STAT5A: variants seen among roughly 807,000 people sequenced by gnomAD.
The protein encoded by STAT5A is signal transducer and activator of transcription 5A, also known as epididymis secretory sperm binding protein.
A neutral mutation model predicts 100.2 loss-of-function variants in STAT5A; 26 were observed. The ratio of observed to expected loss-of-function variants is 0.26; its 90% CI spans 0.19 to 0.36. The LOEUF (loss-of-function observed/expected upper bound fraction) is 0.36, where lower values mean the gene tolerates loss of function less well. Ranked by LOEUF, STAT5A falls within the 10% of genes least tolerant of loss-of-function variation. The pLI, the probability that STAT5A is intolerant of heterozygous loss-of-function variation, is 1.00. For synonymous variants in STAT5A, 330 were observed against 424.3 expected (o/e 0.78, Z 2.73); for missense variants, 634 against 1,027.5 (o/e 0.62, Z 5.24).
At position 42,308,835 on chromosome 17, in the gene STAT5A, G is replaced by A; in HGVS notation, c.2063-212G>A. On this transcript the variant is annotated intron_variant, in intron 16 of 18. Coordinates refer to ENST00000590949, the MANE Select transcript of STAT5A (RefSeq NM_001288718.2). This position sits in a 1 kb window ranked among gnomAD's most constrained non-coding sequence, Gnocchi z 4.6. ...GAGGGAAATCAGATGGCCAGAAAAAGAACCAGAAGGAATGGGATTCAAGCC... is the reference window on the plus strand; with the variant it reads ...GAGGGAAATCAGATGGCCAGAAAAAAAACCAGAAGGAATGGGATTCAAGCC... 1.6e-6 allele frequency: 1 copy of A among 618,826 alleles called. No homozygotes were observed. Among genetic ancestry groups the A allele is most frequent in the East Asian group, 2.8e-5 (1 of 35,396 alleles). 38.3% of individuals were successfully genotyped at this position (618,826 alleles called of 1,614,324 possible). A position where few individuals can be genotyped will look rare whatever the true frequency, so the allele number is the denominator to read the frequency against.
intron 4 of STAT5A, among the ~76,000 whole-genome samples, chr17:42,293,132 C>G (rs946990291): frequency 1.6e-4 from 24 of 152,362 alleles, no homozygotes; most frequent in African/African-American, 5.8e-4. Flanking sequence ...AATTTCACAA[C>G]ATGACGTGAC....
chr17:42,300,833 G>A lies in STAT5A; in HGVS notation c.952G>A (p.Ala318Thr), dbSNP rs761738519. 20 of 1,612,128 alleles carry A rather than the reference G, an allele frequency of 1.2e-5. No individual in the cohort carries two copies. Among genetic ancestry groups the A allele is most frequent in the Admixed American group, 3.3e-5 (2 of 59,894 alleles). ...PVEEMLAEVN[A>T]TITDIISALV... ...GGAGGAGATGCTGGCCGAGGTCAAC[G>A]CCACCATCACGGACATTATCTCAGC... Residue 318 changes from alanine to threonine, a missense_variant, in exon 8 of 19, where the codon GCC (alanine) becomes ACC (threonine). This residue lies in a region of STAT5A where 98 missense variants were observed against 149.7 expected (regional missense o/e 0.65). Transcript: ENST00000590949.
chr17:42,291,854 G>A (rs1386303408), intron 3 of STAT5A, 118 bp from the exon 4 acceptor site: 1 of 1,014,560 alleles, frequency 9.9e-7, no homozygotes, highest in Non-Finnish European at 1.5e-6. Context: ...GATAGTTCCT[G>A]AGGCTCCCTG....
chr17:42,292,213 A>C (rs1255890237), intron 4 of STAT5A, 152 bp downstream of exon 4: 1 of 955,198 alleles, frequency 1.0e-6, no homozygotes, highest in Non-Finnish European at 1.6e-6. Flanking sequence ...GCAGCATTGC[A>C]CGCCGGGGTG....
rs1286667303 is a variant in STAT5A at position 42,311,049 on chromosome 17, G to A, written c.*380G>A. Reference sequence around the variant, plus strand: ...GAGGGGAGACAGGTAACGTCTGTAAGCTGAAGTTTCACTCCGGAGTGAGAA... The same window carrying A: ...GAGGGGAGACAGGTAACGTCTGTAAACTGAAGTTTCACTCCGGAGTGAGAA... On this transcript the variant is annotated 3_prime_UTR_variant, in exon 19 of 19. Coordinates refer to ENST00000590949, the MANE Select transcript of STAT5A (RefSeq NM_001288718.2). 2 of 247,908 alleles carry A rather than the reference G, an allele frequency of 8.1e-6. No individual in the cohort carries two copies. The highest frequency in any genetic ancestry group is 1.6e-5 in the Non-Finnish European group (2 of 122,760). 15.4% of individuals were successfully genotyped at this position (247,908 alleles called of 1,614,324 possible).
chr17:42,308,499 AAATGAGGAGAGG>A lies in STAT5A; in HGVS notation c.2062+167_2062+178del, dbSNP rs1385284322. ...TGGTGGAGAGGATTTCAGGGCTCAC[AAATGAGGAGAGG>A]GAACGAGAAACCCGTCCCAGCTCTC... On this transcript the variant is annotated intron_variant, in intron 16 of 18. Transcript: ENST00000590949. This position sits in a 1 kb window ranked among gnomAD's most constrained non-coding sequence, Gnocchi z 4.6. 4 of 871,138 alleles carry A rather than the reference AAATGAGGAGAGG, an allele frequency of 4.6e-6. No individual in the cohort carries two copies. The allele number at this position is 871,138 out of a possible 1,614,324, so 54.0% of individuals were successfully genotyped here.
chr17:42,296,643 T>G (rs963795980), intron 5 of STAT5A, among the ~76,000 whole-genome samples: 5 of 152,186 alleles, frequency 3.3e-5, no homozygotes, highest in African/African-American at 1.2e-4. Context: ...TCTTTCTTTT[T>G]CTTTTCTTTT....
In STAT5A at chr17:42,310,519, A is replaced by C. The variant is rs1275530222; in HGVS notation, c.2235A>C (p.Val745=). Reference sequence around the variant, plus strand: ...CTGTCTTTACCAGCCCTGACCATGTACTCGATCAGGATGGAGAATTCGACC... The same window carrying C: ...CTGTCTTTACCAGCCCTGACCATGTCCTCGATCAGGATGGAGAATTCGACC... ...YNMYPQNPDH[V]LDQDGEFDLD... is the part of the protein sequence containing the mutation. The change falls in exon 19 of 19, where the codon GTA becomes GTC. Residue 745 remains valine, a synonymous_variant. Coordinates refer to ENST00000590949, the MANE Select transcript of STAT5A (RefSeq NM_001288718.2). The C allele has an allele frequency of 6.2e-7, 1 of 1,614,088 alleles. No homozygotes were observed. The highest frequency in any genetic ancestry group is 2.2e-5 in the East Asian group (1 of 44,872).
chr17:42,292,074 T>C lies in STAT5A; in HGVS notation c.375+13T>C, dbSNP rs747607448. 6.2e-7 allele frequency: 1 copy of C among 1,613,394 alleles called. No homozygotes were observed. The highest frequency in any genetic ancestry group is 8.5e-7 in the Non-Finnish European group (1 of 1,179,534). On this transcript the variant is annotated intron_variant, in intron 4 of 18. Coordinates refer to ENST00000590949, the MANE Select transcript of STAT5A (RefSeq NM_001288718.2). ...AGAAGCCAACAATGTGAGTGTCCCTTGGGGATGGGGAGGAGTGTTGAGAAG... is the reference window on the plus strand; with the variant it reads ...AGAAGCCAACAATGTGAGTGTCCCTCGGGGATGGGGAGGAGTGTTGAGAAG...
intron 5 of STAT5A, among the ~76,000 whole-genome samples, chr17:42,298,585 CCT>C (rs1331870266): frequency 1.3e-5 from 2 of 151,920 alleles, no homozygotes; most frequent in Non-Finnish European, 2.9e-5. Context: ...CATTCTCCTG[CCT>C]CAGCCTCCCT....
chr17:42,305,562 C>A, intron 11 of STAT5A, 48 bp from the exon 12 acceptor site: 1 of 1,499,434 alleles, frequency 6.7e-7, no homozygotes, highest in Middle Eastern at 1.7e-4. Flanking sequence ...AAGCAGAGGG[C>A]ACGTGGTGGT....
chr17:42,309,499 CATGGGGTCCGCAGGGGA>C lies in STAT5A; in HGVS notation c.2222+17_2222+33del, dbSNP rs2081060028. The C allele has an allele frequency of 6.2e-7, 1 of 1,612,244 alleles. No homozygotes were observed. The highest frequency in any genetic ancestry group is 1.1e-5 in the South Asian group (1 of 90,974). ...TACCCACAGAAGTAGGTGGTGTTCT[CATGGGGTCCGCAGGGGA>C]AGAACTGGGGACTTGGCCCCAGGCT... On this transcript the variant is annotated intron_variant, in intron 18 of 18. Coordinates refer to ENST00000590949, the MANE Select transcript of STAT5A (RefSeq NM_001288718.2).
rs1410064630 is a variant in STAT5A, at chr17:42,311,673, T to C, written c.*1004T>C. 6.6e-6 allele frequency: 1 copy of C among 152,644 alleles called. No individual in the cohort carries two copies. The highest frequency in any genetic ancestry group is 1.5e-5 in the Non-Finnish European group (1 of 68,198). 9.5% of individuals were successfully genotyped at this position (152,644 alleles called of 1,614,324 possible). On this transcript the variant is annotated 3_prime_UTR_variant, in exon 19 of 19. Coordinates refer to ENST00000590949, the MANE Select transcript of STAT5A (RefSeq NM_001288718.2). The stretch of plus-strand genomic sequence containing the variant: ...GTGAGGGGTAAAAGCTGATCTGGTT[T>C]GACTCCGCTGGAGGTGGGGCCTGGA...
Position 42,304,717 on chromosome 17 carries a change from C to T in STAT5A, c.1380+65C>T, listed in dbSNP as rs1214256846. 13 of 1,599,346 alleles carry T rather than the reference C, an allele frequency of 8.1e-6. No individual in the cohort carries two copies. The highest frequency in any genetic ancestry group is 9.4e-6 in the Non-Finnish European group (11 of 1,172,244). ...ACCCAAGAGGTGGAGGGGCCTGCCT[C>T]AGGACTCCTGGCAGCAATGCCATCG... is the stretch of plus-strand genomic sequence containing the variant. On this transcript the variant is annotated intron_variant, in intron 11 of 18. Coordinates refer to ENST00000590949, the MANE Select transcript of STAT5A (RefSeq NM_001288718.2). This position sits in a 1 kb window ranked among gnomAD's most constrained non-coding sequence, Gnocchi z 4.8.
At chr17:42,289,364 C>A (rs369890675) in intron 1 of STAT5A, 38 bp from the exon 2 acceptor site, 7 of 1,565,604 alleles carry the variant, frequency 4.5e-6, no homozygotes, top group Non-Finnish European at 6.0e-6. Flanking sequence ...TCCTTGGCCT[C>A]TGCAGAGGAG....
At chr17:42,290,234 T>G (rs1284169007) in intron 3 of STAT5A, 1 of 615,448 alleles carries the variant, frequency 1.6e-6, no homozygotes, top group Non-Finnish European at 2.5e-6. Context: ...AGGTGTTTGT[T>G]GCCAACAGAG....
chr17:42,295,501 C>T, intron 4 of STAT5A, 118 bp from the exon 5 acceptor site: 3 of 1,075,682 alleles, frequency 2.8e-6, no homozygotes, highest in South Asian at 1.6e-5. Context: ...CCCTAGTTTC[C>T]CTTCTTACCC....
chr17:42,301,134 TC>T, intron 8 of STAT5A, 140 bp from the exon 9 acceptor site: 2 of 1,420,786 alleles, frequency 1.4e-6, no homozygotes, highest in Non-Finnish European at 9.6e-7. Context: ...TCTCACAGCT[TC>T]CCCGGGAACA....
chr17:42,310,456 T>G, intron 18 of STAT5A, 51 bp from the exon 19 acceptor site: 1 of 1,598,138 alleles, frequency 6.3e-7, no homozygotes, highest in Non-Finnish European at 8.6e-7. Flanking sequence ...CCAGGGAGCT[T>G]GAGGCTGTGA....
Sources: gnomAD v4.1 joint callset for allele counts (sites outside exome capture counted in the v4.1 genomes callset) on GRCh38, gnomAD v4.1.1 for gene constraint, gnomAD v4.1.1 regional missense constraint, Gnocchi (gnomAD v3.1) non-coding constraint, MANE v1.5 for transcripts, NCBI Gene and HGNC (gene_info 2026-07-23, HGNC 2026-07-21) for gene names.